Variants in ANKS1A observed in about 807,000 individuals in gnomAD.
ANKS1A encodes ankyrin repeat and SAM domain-containing protein 1A.
ANKS1A carries 55 observed loss-of-function variants against 120.3 expected under a neutral mutation model. The observed-to-expected ratio is 0.46, with a 90% CI of 0.37 to 0.57. ANKS1A has a LOEUF of 0.57. Among genes scored for constraint, ANKS1A ranks in the 20% least tolerant of loss-of-function variants. ANKS1A has a pLI of 0.00. For synonymous variants in ANKS1A, 590 were observed against 604.7 expected, an observed-to-expected ratio of 0.98 and a Z score of 0.36; for missense variants, 1,123 against 1,480.3, an observed-to-expected ratio of 0.76 and a Z score of 3.96.
intron 1 of ANKS1A, among the ~76,000 whole-genome samples, chr6:34,891,769 C>T (rs916284889): frequency 6.6e-6 from 1 of 152,202 alleles, no homozygotes; most frequent in African/African-American, 2.4e-5. Flanking sequence ...GCTGGGACTA[C>T]AGGCAAGCGC....
At position 35,091,293 on chromosome 6, in the gene ANKS1A, A is replaced by G. The variant is rs1326607100; in HGVS notation, c.*2684A>G. 1.0e-6 allele frequency: 1 copy of G among 985,792 alleles called. No individual in the cohort carries two copies. The highest frequency in any genetic ancestry group is 1.1e-4 in the East Asian group (1 of 8,836). 61.1% of individuals were successfully genotyped at this position (985,792 alleles called of 1,614,324 possible). On this transcript the variant is annotated 3_prime_UTR_variant, in exon 24 of 24. Coordinates refer to ENST00000360359, the MANE Select transcript of ANKS1A (RefSeq NM_015245.3). ...CTGTGCAACAACATAGACTGACCTC[A>G]GTACCCAAGAGAGTGTAAATATTTC...
At chr6:35,026,597 G>A (rs1030744548) in intron 11 of ANKS1A, among the ~76,000 whole-genome samples, 5 of 152,150 alleles carry the variant, frequency 3.3e-5, no homozygotes, top group Admixed American at 6.5e-5. Flanking sequence ...GCCGTTAGGT[G>A]AGTCAGCCAA....
rs774436814 is a variant in ANKS1A at position 35,079,539 on chromosome 6, G to A, written c.2307G>A (p.Gly769=). Residue 769 remains glycine (G), a synonymous_variant, in exon 15 of 24, where the codon GGG becomes GGA. Transcript: ENST00000360359. Reference sequence around the variant, plus strand: ...AGGTGAAGGCTCTGGGTTATGACGGGAACAGCCCCCCTAGCGTGCCCTCCT... The same window carrying A: ...AGGTGAAGGCTCTGGGTTATGACGGAAACAGCCCCCCTAGCGTGCCCTCCT... ...LPKVKALGYD[G]NSPPSVPSWL... 25 of 1,613,604 alleles carry A rather than the reference G, an allele frequency of 1.5e-5. No homozygotes were observed. Among genetic ancestry groups the A allele is most frequent in the Non-Finnish European group, 2.1e-5 (25 of 1,179,754 alleles).
chr6:34,914,332 A>G (rs1459314880), intron 1 of ANKS1A, among the ~76,000 whole-genome samples: 1 of 152,222 alleles, frequency 6.6e-6, no homozygotes, highest in Non-Finnish European at 1.5e-5. Flanking sequence ...GGGCTATTTT[A>G]TTTTTAAAAA....
chr6:34,919,668 C>T lies in ANKS1A; in HGVS notation c.197+30069C>T, dbSNP rs1463515343. On this transcript the variant is annotated intron_variant, in intron 1 of 23. Coordinates refer to ENST00000360359, the MANE Select transcript of ANKS1A (RefSeq NM_015245.3). ...GCTCTGCTACTTGCTAGCAGTATGA[C>T]CTTGGGCAAGTTTCTTAACCTCTTT... is the stretch of plus-strand genomic sequence containing the variant. Among the ~76,000 whole-genome samples, 6 of 152,100 alleles carry T rather than the reference C, an allele frequency of 3.9e-5. No homozygotes were observed. In the East Asian group the frequency reaches 1.2e-3, roughly 29 times the overall value.
intron 11 of ANKS1A, among the ~76,000 whole-genome samples, chr6:35,031,308 A>T (rs1313417159): frequency 6.6e-6 from 1 of 152,206 alleles, no homozygotes; most frequent in African/African-American, 2.4e-5. Context: ...TCCACCTAAC[A>T]GCGTAATCGC....
Position 35,003,601 on chromosome 6 carries a change from T to G in ANKS1A, c.1423+9179T>G, listed in dbSNP as rs566718004. Among the ~76,000 whole-genome samples, 5 of 152,292 alleles carry G rather than the reference T, an allele frequency of 3.3e-5. No homozygotes were observed. In the East Asian group the frequency reaches 9.6e-4, roughly 29 times the overall value. On this transcript the variant is annotated intron_variant, in intron 10 of 23. Coordinates refer to ENST00000360359, the MANE Select transcript of ANKS1A (RefSeq NM_015245.3). ...CTAGAAAGATTTAAAACTCTTATAA[T>G]AAGAGTTATAATAGTAATAGGAACC... is the stretch of plus-strand genomic sequence containing the variant.
At chr6:35,003,724 A>G (rs930209202) in intron 10 of ANKS1A, among the ~76,000 whole-genome samples, 9 of 152,234 alleles carry the variant, frequency 5.9e-5, no homozygotes, top group Admixed American at 5.2e-4. Flanking sequence ...CAAGTGTACT[A>G]TATGAATCAC....
Position 35,091,403 on chromosome 6 carries a change from C to T in ANKS1A, c.*2794C>T, listed in dbSNP as rs900953438. 1.4e-5 allele frequency: 14 copies of T among 985,320 alleles called. No individual in the cohort carries two copies. Among genetic ancestry groups the T allele is most frequent in the Admixed American group, 6.1e-5 (1 of 16,264 alleles). 61.0% of individuals were successfully genotyped at this position (985,320 alleles called of 1,614,324 possible). On this transcript the variant is annotated 3_prime_UTR_variant, in exon 24 of 24. Coordinates refer to ENST00000360359, the MANE Select transcript of ANKS1A (RefSeq NM_015245.3). ...ATTAATAAATGAGAAGCGACATGAA[C>T]GCAGCCTTAATTCTTCTGAGTCTTT... is the stretch of plus-strand genomic sequence containing the variant.
chr6:34,899,776 A>G (rs897527418), intron 1 of ANKS1A, among the ~76,000 whole-genome samples: 2 of 152,200 alleles, frequency 1.3e-5, no homozygotes, highest in African/African-American at 4.8e-5. Context: ...ATAACTATCC[A>G]CATCATGCTC....
chr6:34,945,826 G>A (rs1053750218), intron 1 of ANKS1A, among the ~76,000 whole-genome samples: 6 of 152,020 alleles, frequency 3.9e-5, no homozygotes, highest in Non-Finnish European at 5.9e-5. Flanking sequence ...ATTTCATAGA[G>A]GTTGTCAAAT....
intron 11 of ANKS1A, among the ~76,000 whole-genome samples, chr6:35,043,119 G>C (rs2127578789): frequency 6.6e-6 from 1 of 152,338 alleles, no homozygotes; most frequent in South Asian, 2.1e-4. Flanking sequence ...TTAGTTAACT[G>C]AGTGACCCTC....
chr6:35,038,921 A>G (rs1245729768), intron 11 of ANKS1A, among the ~76,000 whole-genome samples: 3 of 152,238 alleles, frequency 2.0e-5, no homozygotes, highest in Non-Finnish European at 4.4e-5. Flanking sequence ...TTGTAGAAAT[A>G]GTCCAGAGAG....
intron 10 of ANKS1A, among the ~76,000 whole-genome samples, chr6:35,005,084 T>C (rs898564393): frequency 2.0e-5 from 3 of 152,222 alleles, no homozygotes; most frequent in Non-Finnish European, 2.9e-5. Context: ...CTGTGGACAT[T>C]CTGTACATGT....
In ANKS1A at chr6:34,982,847, C is replaced by T. The variant is rs375761963; in HGVS notation, c.808+20C>T. ...CTGCAGGTGAGAGGTCGGCAGCGCT[C>T]TTGTCTACACAGCGTGCCAGGGTTG... On this transcript the variant is annotated intron_variant, in intron 5 of 23. Coordinates refer to ENST00000360359, the MANE Select transcript of ANKS1A (RefSeq NM_015245.3). This position sits in a 1 kb window ranked among gnomAD's most constrained non-coding sequence, Gnocchi z 4.9. 296 of 1,614,032 alleles carry T rather than the reference C, an allele frequency of 1.8e-4. No homozygotes were observed. The highest frequency in any genetic ancestry group is 2.3e-4 in the Non-Finnish European group (271 of 1,180,000).
chr6:34,994,741 A>G (rs757852215), intron 10 of ANKS1A, among the ~76,000 whole-genome samples: 26 of 152,160 alleles, frequency 1.7e-4, no homozygotes, highest in Non-Finnish European at 3.4e-4. Context: ...ATAAACCCTC[A>G]AGTTAATGCT....
chr6:35,082,375 C>T lies in ANKS1A; in HGVS notation c.2710-316C>T, dbSNP rs1205766016. ...GCAGAACAGCCTGGCAGCCTGTGCC[C>T]CCCACACAGACTCTGCCATCTCCTC... is the stretch of plus-strand genomic sequence containing the variant. On this transcript the variant is annotated intron_variant, in intron 17 of 23. Transcript: ENST00000360359. This position sits in a 1 kb window ranked among gnomAD's most constrained non-coding sequence, Gnocchi z 4.1. Among the ~76,000 whole-genome samples the T allele has an allele frequency of 1.3e-5, 2 of 151,874 alleles. No individual in the cohort carries two copies. Among genetic ancestry groups the T allele is most frequent in the African/African-American group, 4.8e-5 (2 of 41,304 alleles).
At chr6:34,978,465 A>G (rs1771723459) in intron 3 of ANKS1A, among the ~76,000 whole-genome samples, 1 of 152,184 alleles carries the variant, frequency 6.6e-6, no homozygotes, top group African/African-American at 2.4e-5. Flanking sequence ...GCTGCTCCTT[A>G]GAATCCTTTC....
chr6:34,930,785 C>T (rs1768941214), intron 1 of ANKS1A, among the ~76,000 whole-genome samples: 1 of 152,146 alleles, frequency 6.6e-6, no homozygotes, highest in African/African-American at 2.4e-5. Flanking sequence ...GTAGCTGAGG[C>T]CCCTTCCTCG....
Sources: gnomAD v4.1 joint callset for allele counts (sites outside exome capture counted in the v4.1 genomes callset) on GRCh38, gnomAD v4.1.1 for gene constraint, Gnocchi (gnomAD v3.1) non-coding constraint, MANE v1.5 for transcripts, NCBI Gene and HGNC (gene_info 2026-07-23, HGNC 2026-07-21) for gene names.